CARMIL1: variants seen among roughly 807,000 people sequenced by gnomAD.
CARMIL1 encodes the protein capping protein regulator and myosin 1 linker 1, also known as F-actin-uncapping protein LRRC16A.
CARMIL1 carries 90 observed loss-of-function variants against 177.1 expected under a neutral mutation model. That is an observed-to-expected ratio of 0.51 (90% CI 0.43 to 0.61). CARMIL1 has a LOEUF of 0.61. CARMIL1 is among the 20% of genes least tolerant of loss of function. The pLI is 0.00. For missense variants in CARMIL1, 1,380 were observed against 1,667.0 expected (o/e 0.83, Z 3.00); for synonymous variants, 577 against 606.2 (o/e 0.95, Z 0.71).
In CARMIL1 at chr6:25,393,451, G is replaced by A. The variant is rs186515257; in HGVS notation, c.139-26663G>A. On this transcript the variant is annotated intron_variant, in intron 2 of 36. Coordinates refer to ENST00000329474, the MANE Select transcript of CARMIL1 (RefSeq NM_017640.6). ...CACACCTGTAATCCCAGCTACTTGG[G>A]AGGCTGAGGCAGGAGAATTGCTTGA... 5.8e-3 allele frequency: 878 copies of A among 152,110 alleles called. 9 individuals carry two copies. Among genetic ancestry groups the A allele is most frequent in the African/African-American group, 0.02 (819 of 41,404 alleles). 9.4% of individuals were successfully genotyped at this position (152,110 alleles called of 1,614,324 possible).
In CARMIL1 at chr6:25,606,212, C is replaced by G. The variant is rs761054695; in HGVS notation, c.3786C>G (p.Pro1262=). The G allele has an allele frequency of 2.5e-5, 40 of 1,613,838 alleles. No individual in the cohort carries two copies. The highest frequency in any genetic ancestry group is 3.3e-5 in the Admixed American group (2 of 60,004). Residue 1262 remains proline (P), a synonymous_variant, in exon 35 of 37, where the codon CCC becomes CCG. Coordinates refer to ENST00000329474, the MANE Select transcript of CARMIL1 (RefSeq NM_017640.6). Reference sequence around the variant, plus strand: ...GCCCGAAGCCCCTCCTGCAGTCCCCCAAACCCAGTCTGGCAGCACGGCCCG... The same window carrying G: ...GCCCGAAGCCCCTCCTGCAGTCCCCGAAACCCAGTCTGGCAGCACGGCCCG... ...PTSPKPLLQS[P]KPSLAARPVI...
intron 2 of CARMIL1, among the ~76,000 whole-genome samples, chr6:25,394,732 A>G (rs1176458166): frequency 2.6e-5 from 4 of 152,238 alleles, no homozygotes; most frequent in Admixed American, 2.0e-4. Context: ...CAAGGGTTTC[A>G]GTAAAGGAGA....
intron 33 of CARMIL1, among the ~76,000 whole-genome samples, chr6:25,602,865 G>T (rs964187434): frequency 1.3e-5 from 2 of 152,048 alleles, no homozygotes; most frequent in African/African-American, 4.8e-5. Flanking sequence ...TAAAGAAAAA[G>T]AACTGTAAGT....
intron 2 of CARMIL1, among the ~76,000 whole-genome samples, chr6:25,340,337 A>C (rs2150319690): frequency 6.6e-6 from 1 of 152,316 alleles, no homozygotes; most frequent in East Asian, 1.9e-4. Context: ...GCCTTTTAAA[A>C]TGATTGCTAT....
At chr6:25,348,706 C>T (rs1052105421) in intron 2 of CARMIL1, among the ~76,000 whole-genome samples, 3 of 151,916 alleles carry the variant, frequency 2.0e-5, no homozygotes, top group South Asian at 2.1e-4. Context: ...CACTTGAACT[C>T]GGGAGGCAGA....
intron 16 of CARMIL1, among the ~76,000 whole-genome samples, chr6:25,497,077 G>A (rs1803803213): frequency 6.6e-6 from 1 of 152,148 alleles, no homozygotes; most frequent in Non-Finnish European, 1.5e-5. Flanking sequence ...GTTTTAATCA[G>A]CAAAAATTTT....
At chr6:25,500,082 C>G in intron 16 of CARMIL1, 84 bp from the exon 17 acceptor site, 1 of 1,223,120 alleles carries the variant, frequency 8.2e-7, no homozygotes, top group South Asian at 1.3e-5. Context: ...CCTTCTTTCT[C>G]TAGGCTTTAT....
At chr6:25,451,986 G>GCCTCC in intron 8 of CARMIL1, 3 of 112,668 alleles carry the variant, frequency 2.7e-5, no homozygotes, top group Middle Eastern at 3.3e-3. Context: ...CTAGCATCTT[G>GCCTCC]CCCCCCCCTC....
At chr6:25,596,301 T>C (rs1210792177) in intron 32 of CARMIL1, among the ~76,000 whole-genome samples, 2 of 152,226 alleles carry the variant, frequency 1.3e-5, no homozygotes, top group Non-Finnish European at 2.9e-5. Context: ...AAAGTTGTGA[T>C]TTGAAATTTC....
At chr6:25,419,248 TACAGGCTTAGTGAC>T (rs1795627538) in intron 2 of CARMIL1, among the ~76,000 whole-genome samples, 1 of 152,214 alleles carries the variant, frequency 6.6e-6, no homozygotes, top group African/African-American at 2.4e-5. Flanking sequence ...ACTTGCTAAA[TACAGGCTTAGTGAC>T]AAGGAAGTTA....
chr6:25,567,500 G>A (rs1053083348), intron 29 of CARMIL1, among the ~76,000 whole-genome samples: 1 of 152,146 alleles, frequency 6.6e-6, no homozygotes, highest in Non-Finnish European at 1.5e-5. Context: ...TAACACATGT[G>A]ATCCTTCCAA....
intron 12 of CARMIL1, among the ~76,000 whole-genome samples, chr6:25,486,739 T>C (rs563437307): frequency 2.4e-4 from 37 of 152,310 alleles, no homozygotes; most frequent in African/African-American, 8.4e-4. Context: ...TTGATAATTA[T>C]TGCCTCACTG....
At chr6:25,340,178 C>A (rs1187713262) in intron 2 of CARMIL1, among the ~76,000 whole-genome samples, 1 of 126,722 alleles carries the variant, frequency 7.9e-6, no homozygotes, top group African/African-American at 3.1e-5. Flanking sequence ...GCATCTGAAT[C>A]TGACCTTCTC....
chr6:25,403,348 C>T (rs1177749082), intron 2 of CARMIL1, among the ~76,000 whole-genome samples: 3 of 152,198 alleles, frequency 2.0e-5, no homozygotes, highest in Non-Finnish European at 4.4e-5. Flanking sequence ...CCATCACCAT[C>T]TCTCACAAGC....
chr6:25,317,442 A>G (rs1784361422), intron 2 of CARMIL1, among the ~76,000 whole-genome samples: 1 of 151,148 alleles, frequency 6.6e-6, no homozygotes, highest in African/African-American at 2.4e-5. Flanking sequence ...ACCACCCTAA[A>G]TGCTTTTATT....
At chr6:25,364,044 C>T (rs192829073) in intron 2 of CARMIL1, among the ~76,000 whole-genome samples, 108 of 151,978 alleles carry the variant, frequency 7.1e-4, no homozygotes, top group Non-Finnish European at 6.3e-4. Flanking sequence ...TGGGTTCAAG[C>T]GATCCTCCCT....
chr6:25,295,567 C>G (rs1782315937), intron 2 of CARMIL1, among the ~76,000 whole-genome samples: 1 of 152,306 alleles, frequency 6.6e-6, no homozygotes, highest in African/African-American at 2.4e-5. Context: ...AATCCTCCAC[C>G]TTGTCAATTT....
At chr6:25,332,787 A>ACATACACACACACGCATACACACACACG (rs1554165999) in intron 2 of CARMIL1, among the ~76,000 whole-genome samples, 8 of 146,804 alleles carry the variant, frequency 5.4e-5, no homozygotes, top group African/African-American at 1.2e-4. Flanking sequence ...ACACACACAC[A>ACATACACACACACGCATACACACACACG]CACACTTCTT....
chr6:25,472,178 G>T (rs1801150047), intron 10 of CARMIL1, among the ~76,000 whole-genome samples: 1 of 151,798 alleles, frequency 6.6e-6, no homozygotes, highest in Non-Finnish European at 1.5e-5. Flanking sequence ...GCACACAACA[G>T]AGTGCCTTTA....
Sources: gnomAD v4.1 joint callset for allele counts (sites outside exome capture counted in the v4.1 genomes callset) on GRCh38, gnomAD v4.1.1 for gene constraint, MANE v1.5 for transcripts, NCBI Gene and HGNC (gene_info 2026-07-23, HGNC 2026-07-21) for gene names.